TRPC5: variants seen among roughly 807,000 people sequenced by gnomAD.
The protein encoded by TRPC5 is short transient receptor potential channel 5.
TRPC5 carries 9 observed loss-of-function variants against 56.5 expected under a neutral mutation model. That is an observed-to-expected ratio of 0.16 (90% CI 0.10 to 0.28). TRPC5 has a LOEUF of 0.28. Ranked by LOEUF, TRPC5 falls within the 10% of genes least tolerant of loss-of-function variation. The pLI is 1.00. For synonymous variants in TRPC5, 282 were observed against 278.5 expected (o/e 1.01, Z -0.13); for missense variants, 469 against 748.9 (o/e 0.63, Z 4.36).
At chrX:112,033,523 G>T (rs1448125612) in intron 1 of TRPC5, among the ~76,000 whole-genome samples, 1 of 97,383 alleles carries the variant, frequency 1.0e-5, no homozygotes, top group Non-Finnish European at 2.1e-5. Flanking sequence ...ATGCACAGAA[G>T]GTTTTAATTT....
chrX:112,026,299 T>C (rs1268874862), intron 1 of TRPC5, among the ~76,000 whole-genome samples: 2 of 112,459 alleles, frequency 1.8e-5, no homozygotes, highest in Admixed American at 9.4e-5. Flanking sequence ...GTAATGTATC[T>C]TTTCTTCAAC....
rs146905987 is a variant in TRPC5, at chrX:111,935,278, G to A, written c.378+16765C>T. 6.3e-3 allele frequency among the ~76,000 whole-genome samples: 706 copies of A among 112,135 alleles called. 3 individuals are homozygous for A. Among genetic ancestry groups the A allele is most frequent in the African/African-American group, 0.022 (685 of 30,897 alleles). On this transcript the variant is annotated intron_variant, in intron 2 of 10. Transcript: ENST00000262839. Reference sequence around the variant, plus strand: ...ATTTGTATGTGTTCTTTTGAGAAATGTCTTTGTAGATCTTTTGCCTATTTG... The same window carrying A: ...ATTTGTATGTGTTCTTTTGAGAAATATCTTTGTAGATCTTTTGCCTATTTG...
At chrX:111,902,632 G>A (rs1925405861) in intron 3 of TRPC5, 1 of 113,456 alleles carries the variant, frequency 8.8e-6, no homozygotes, top group African/African-American at 3.2e-5. Context: ...ACAAGACAGT[G>A]TTGGGATACT....
At chrX:111,910,704 G>A (rs1335818378) in intron 3 of TRPC5, among the ~76,000 whole-genome samples, 1 of 111,017 alleles carries the variant, frequency 9.0e-6, no homozygotes, top group African/African-American at 3.3e-5. Context: ...GCTAATTTTT[G>A]TATTTTTAGT....
chrX:111,951,637 T>C (rs1187144532), intron 2 of TRPC5, among the ~76,000 whole-genome samples: 1 of 111,842 alleles, frequency 8.9e-6, no homozygotes, highest in African/African-American at 3.3e-5. Context: ...TGTGTTGTCT[T>C]CAGAGAGAGG....
At chrX:111,830,337 C>T (rs1409389668) in intron 7 of TRPC5, among the ~76,000 whole-genome samples, 1 of 111,847 alleles carries the variant, frequency 8.9e-6, no homozygotes, top group Non-Finnish European at 1.9e-5. Flanking sequence ...TCAGATGAAA[C>T]TTTGGACTTA....
intron 1 of TRPC5, among the ~76,000 whole-genome samples, chrX:111,984,406 A>T (rs764934120): frequency 8.9e-6 from 1 of 111,785 alleles, no homozygotes; most frequent in Non-Finnish European, 1.9e-5. Flanking sequence ...CTCAAATGAG[A>T]ACTATGTTGT....
At chrX:111,994,372 T>C (rs1056426121) in intron 1 of TRPC5, among the ~76,000 whole-genome samples, 1 of 111,655 alleles carries the variant, frequency 9.0e-6, no homozygotes, top group South Asian at 3.7e-4. Context: ...CTTAGGATTG[T>C]CTTGGCAATG....
intron 6 of TRPC5, among the ~76,000 whole-genome samples, chrX:111,843,958 AAGAG>A (rs1327262030): frequency 5.9e-4 from 40 of 67,497 alleles, no homozygotes; most frequent in African/African-American, 2.1e-3. Context: ...CAGAGAGAGA[AAGAG>A]AGAGAGGTAT....
intron 7 of TRPC5, among the ~76,000 whole-genome samples, chrX:111,828,714 A>C (rs971055813): frequency 4.5e-5 from 5 of 111,487 alleles, no homozygotes; most frequent in African/African-American, 1.6e-4. Flanking sequence ...GAACTTCCTA[A>C]AGACTTGGAG....
intron 1 of TRPC5, among the ~76,000 whole-genome samples, chrX:112,059,104 A>C (rs1177303633): frequency 8.9e-6 from 1 of 111,737 alleles, no homozygotes; most frequent in Non-Finnish European, 1.9e-5. Flanking sequence ...ATTCTCAAAA[A>C]GTGACATTGA....
chrX:111,994,479 T>C (rs1242487387), intron 1 of TRPC5, among the ~76,000 whole-genome samples: 2 of 111,792 alleles, frequency 1.8e-5, no homozygotes, highest in South Asian at 3.8e-4. Flanking sequence ...ATTGAATCTA[T>C]AAATTACTTT....
chrX:111,843,584 G>A (rs1025683785), intron 6 of TRPC5, among the ~76,000 whole-genome samples: 1 of 111,479 alleles, frequency 9.0e-6, no homozygotes, highest in African/African-American at 3.3e-5. Context: ...ACAGCAAAAT[G>A]TTGACAAAGG....
chrX:112,056,502 T>A (rs1183575810), intron 1 of TRPC5, among the ~76,000 whole-genome samples: 1 of 112,545 alleles, frequency 8.9e-6, no homozygotes, highest in Non-Finnish European at 1.9e-5. Context: ...TGTGTGATAC[T>A]GAGATAATCA....
At chrX:111,960,556 AG>A (rs1298300508) in intron 1 of TRPC5, among the ~76,000 whole-genome samples, 2 of 112,115 alleles carry the variant, frequency 1.8e-5, no homozygotes, top group African/African-American at 6.5e-5. Flanking sequence ...TCAAGGTAAA[AG>A]CAGAATGGAA....
chrX:111,953,482 T>G (rs1927147557), intron 1 of TRPC5, among the ~76,000 whole-genome samples: 1 of 111,696 alleles, frequency 9.0e-6, no homozygotes, highest in Non-Finnish European at 1.9e-5. Context: ...TTATACACAT[T>G]CCTCATTAAC....
intron 3 of TRPC5, among the ~76,000 whole-genome samples, chrX:111,890,560 A>G (rs1435607136): frequency 1.8e-5 from 2 of 111,242 alleles, no homozygotes; most frequent in Non-Finnish European, 3.8e-5. Flanking sequence ...ATCCTCCTGT[A>G]CACCAAGAGA....
intron 1 of TRPC5, among the ~76,000 whole-genome samples, chrX:112,032,319 A>C (rs1355781912): frequency 9.4e-6 from 1 of 106,351 alleles, no homozygotes; most frequent in East Asian, 2.8e-4. Context: ...TAGTACAACC[A>C]TTATGGACAA....
intron 6 of TRPC5, among the ~76,000 whole-genome samples, chrX:111,843,623 A>G (rs1260934074): frequency 9.0e-6 from 1 of 111,605 alleles, no homozygotes; most frequent in Non-Finnish European, 1.9e-5. Flanking sequence ...TGGAGAGGCA[A>G]GAGTCAGATT....
Sources: allele counts gnomAD v4.1 joint callset (sites outside exome capture counted in the v4.1 genomes callset), GRCh38; gene constraint gnomAD v4.1.1; transcripts MANE v1.5; gene names NCBI Gene and HGNC (gene_info 2026-07-23, HGNC 2026-07-21).